The following DEPDC1B variants were observed in gnomAD, a reference collection of about 807,000 sequenced individuals.
The protein encoded by DEPDC1B is DEP domain containing 1B, also known as DEP domain-containing protein 1B.
In DEPDC1B, 51 loss-of-function variants were observed where a neutral mutation model predicts 66.5. The observed-to-expected ratio is 0.77, with a 90% CI of 0.61 to 0.97. The LOEUF is 0.97. DEPDC1B is among the 50% of genes least tolerant of loss of function. The probability of loss-of-function intolerance (pLI) is 0.00; values close to 1 mark genes in which losing one functional copy is unlikely to be tolerated. For synonymous variants in DEPDC1B, 226 were observed against 223.6 expected (o/e 1.01, Z -0.10); for missense variants, 552 against 637.1 (o/e 0.87, Z 1.44).
chr5:60,618,889 A>G (rs1056082706), intron 7 of DEPDC1B, among the ~76,000 whole-genome samples: 2 of 152,356 alleles, frequency 1.3e-5, no homozygotes, highest in Admixed American at 6.5e-5. Flanking sequence ...CAAATCCTCA[A>G]TAAAGTACTG....
intron 7 of DEPDC1B, among the ~76,000 whole-genome samples, chr5:60,619,238 A>C (rs55720622): frequency 6.6e-6 from 1 of 152,110 alleles, no homozygotes; most frequent in African/African-American, 2.4e-5. Flanking sequence ...CAAGACAGGG[A>C]TGTCCTCTCT....
At chr5:60,666,366 A>T (rs1001401756) in intron 2 of DEPDC1B, among the ~76,000 whole-genome samples, 1 of 152,190 alleles carries the variant, frequency 6.6e-6, no homozygotes, top group African/African-American at 2.4e-5. Context: ...CCGTGAAGCC[A>T]AGAATCCCAG....
chr5:60,618,337 A>G (rs35576256), intron 7 of DEPDC1B, among the ~76,000 whole-genome samples: 1 of 152,216 alleles, frequency 6.6e-6, no homozygotes, highest in Non-Finnish European at 1.5e-5. Flanking sequence ...CAAAAAATCA[A>G]TGAATCCAGG....
chr5:60,629,332 C>G (rs1404499022), intron 7 of DEPDC1B, among the ~76,000 whole-genome samples: 1 of 152,198 alleles, frequency 6.6e-6, no homozygotes, highest in Non-Finnish European at 1.5e-5. Context: ...CTTCAATATA[C>G]TGATTTCATT....
intron 7 of DEPDC1B, among the ~76,000 whole-genome samples, chr5:60,636,595 C>G (rs905842412): frequency 3.3e-5 from 5 of 152,124 alleles, no homozygotes; most frequent in Non-Finnish European, 5.9e-5. Context: ...TAGATATTTA[C>G]CTTTTCCCAC....
chr5:60,689,074 G>A (rs1754487495), intron 1 of DEPDC1B: 1 of 456,058 alleles, frequency 2.2e-6, no homozygotes, highest in Non-Finnish European at 4.4e-6. Flanking sequence ...AAAACAAGAG[G>A]TATGGAGTCA....
At chr5:60,610,124 A>AGAAT (rs752601702) in intron 7 of DEPDC1B, among the ~76,000 whole-genome samples, 2 of 152,208 alleles carry the variant, frequency 1.3e-5, no homozygotes, top group East Asian at 1.9e-4. Flanking sequence ...TTCTGTGTAA[A>AGAAT]GAATGAATGA....
chr5:60,690,594 A>G (rs1561395165), intron 1 of DEPDC1B, among the ~76,000 whole-genome samples: 1 of 152,106 alleles, frequency 6.6e-6, no homozygotes, highest in Non-Finnish European at 1.5e-5. Flanking sequence ...TCATAGTCAT[A>G]TTCTCATTTT....
intron 7 of DEPDC1B, among the ~76,000 whole-genome samples, chr5:60,630,132 A>G (rs6891519): frequency 0.018 from 2,804 of 152,348 alleles, 105 homozygotes; most frequent in African/African-American, 0.064. Flanking sequence ...ATTGTGCAAC[A>G]TAACAGTCCT....
At chr5:60,698,175 T>C (rs543946637) in intron 1 of DEPDC1B, among the ~76,000 whole-genome samples, 2 of 152,212 alleles carry the variant, frequency 1.3e-5, no homozygotes, top group African/African-American at 4.8e-5. Flanking sequence ...GTTAGACTTA[T>C]CAATATTCTT....
intron 9 of DEPDC1B, among the ~76,000 whole-genome samples, chr5:60,600,131 C>T (rs77868687): frequency 2.6e-5 from 4 of 152,176 alleles, no homozygotes; most frequent in Non-Finnish European, 5.9e-5. Flanking sequence ...GTGTGATTCT[C>T]AATGCCTTGG....
At chr5:60,698,918 A>AATC (rs1473765545) in intron 1 of DEPDC1B, among the ~76,000 whole-genome samples, 19 of 152,188 alleles carry the variant, frequency 1.2e-4, no homozygotes, top group African/African-American at 4.6e-4. Flanking sequence ...CATCCCCTTA[A>AATC]ATCATGTAAA....
intron 7 of DEPDC1B, among the ~76,000 whole-genome samples, chr5:60,608,453 ATATT>A (rs1300963702): frequency 6.8e-6 from 1 of 148,060 alleles, no homozygotes; most frequent in African/African-American, 2.5e-5. Context: ...ATATTATATT[ATATT>A]TATTATATTA....
intron 1 of DEPDC1B, chr5:60,689,056 G>C (rs1561394572): frequency 2.2e-6 from 1 of 456,240 alleles, no homozygotes; most frequent in Admixed American, 2.3e-5. Context: ...AATCCCTGAG[G>C]AATGGGGAAA....
At chr5:60,649,894 G>T (rs1753404909) in intron 2 of DEPDC1B, among the ~76,000 whole-genome samples, 1 of 152,052 alleles carries the variant, frequency 6.6e-6, no homozygotes, top group African/African-American at 2.4e-5. Flanking sequence ...CTGTCCTTCT[G>T]TTTCAGCCTC....
intron 2 of DEPDC1B, among the ~76,000 whole-genome samples, chr5:60,655,586 G>T (rs115628044): frequency 6.7e-6 from 1 of 148,684 alleles, no homozygotes; most frequent in Non-Finnish European, 1.5e-5. Context: ...TTTTTGTTTC[G>T]TTTATCATTT....
rs1162947262 is a variant in DEPDC1B, at chr5:60,667,644, A to AG, written c.314+19317_314+19318insC. ...AATGGATATTTTACATATATGAAAA[A>AG]TGGATATTTTACATGTATATAATGG... is the stretch of plus-strand genomic sequence containing the variant. On this transcript the variant is annotated intron_variant, in intron 2 of 10. Coordinates refer to ENST00000265036, the MANE Select transcript of DEPDC1B (RefSeq NM_018369.3). Among the ~76,000 whole-genome samples the AG allele has an allele frequency of 9.4e-5, 11 of 117,414 alleles. 1 individual carries two copies. The highest frequency in any genetic ancestry group is 1.5e-4 in the Non-Finnish European group (8 of 54,116). The allele number at this position is 117,414 out of a possible 152,430, so 77.0% of individuals were successfully genotyped here.
At chr5:60,666,198 C>T (rs1400546416) in intron 2 of DEPDC1B, among the ~76,000 whole-genome samples, 1 of 152,206 alleles carries the variant, frequency 6.6e-6, no homozygotes, top group African/African-American at 2.4e-5. Context: ...CCTGATAGGG[C>T]TAGAGGCCTG....
chr5:60,699,032 A>G (rs1027300925), intron 1 of DEPDC1B, among the ~76,000 whole-genome samples: 2 of 152,084 alleles, frequency 1.3e-5, no homozygotes, highest in Non-Finnish European at 2.9e-5. Flanking sequence ...GTAAAGACCC[A>G]TCAGCCCCAA....
Sources: gnomAD v4.1 joint callset for allele counts (sites outside exome capture counted in the v4.1 genomes callset) on GRCh38, gnomAD v4.1.1 for gene constraint, MANE v1.5 for transcripts, NCBI Gene and HGNC (gene_info 2026-07-23, HGNC 2026-07-21) for gene names.